NEK11: variants seen among roughly 807,000 people sequenced by gnomAD.
The protein encoded by NEK11 is NIMA related kinase 11.
NEK11 carries 72 observed loss-of-function variants against 80.7 expected under a neutral mutation model. The ratio of observed to expected loss-of-function variants is 0.89; its 90% CI spans 0.74 to 1.08. The LOEUF is 1.08. NEK11 is among the 50% of genes least tolerant of loss of function. NEK11 has a pLI of 0.00. For missense variants in NEK11, 764 were observed against 763.6 expected, an observed-to-expected ratio of 1.00 and a Z score of -0.01; for synonymous variants, 251 against 260.7, an observed-to-expected ratio of 0.96 and a Z score of 0.36.
chr3:131,169,723 G>C (rs929905094), intron 13 of NEK11, among the ~76,000 whole-genome samples: 5 of 152,170 alleles, frequency 3.3e-5, no homozygotes, highest in Admixed American at 3.3e-4. Flanking sequence ...ATCAGACCAT[G>C]TCCTTCTCTT....
chr3:131,091,599 A>T (rs2076741157), intron 4 of NEK11, among the ~76,000 whole-genome samples: 1 of 152,238 alleles, frequency 6.6e-6, no homozygotes, highest in Non-Finnish European at 1.5e-5. Flanking sequence ...AGTTGATATA[A>T]AATGTATAGA....
chr3:131,269,835 G>A (rs2096144076), intron 16 of NEK11, among the ~76,000 whole-genome samples: 1 of 152,210 alleles, frequency 6.6e-6, no homozygotes. Flanking sequence ...CTAGGTTCAG[G>A]AAGGAGCCCA....
intron 16 of NEK11, among the ~76,000 whole-genome samples, chr3:131,264,087 A>G (rs2095994880): frequency 6.6e-6 from 1 of 152,054 alleles, no homozygotes; most frequent in South Asian, 2.1e-4. Flanking sequence ...AAATTTGTTT[A>G]AGTTCTTTGT....
intron 4 of NEK11, among the ~76,000 whole-genome samples, chr3:131,094,953 G>C (rs56834896): frequency 6.6e-6 from 1 of 152,212 alleles, no homozygotes; most frequent in Non-Finnish European, 1.5e-5. Flanking sequence ...AATAATTAAA[G>C]CTTTAAGGAC....
chr3:131,139,084 A>G (rs745435446), intron 7 of NEK11, among the ~76,000 whole-genome samples: 3 of 152,148 alleles, frequency 2.0e-5, no homozygotes, highest in Non-Finnish European at 4.4e-5. Context: ...AACCTTTCAG[A>G]CAGAGAATTC....
At chr3:131,076,921 G>T (rs2074449075) in intron 3 of NEK11, among the ~76,000 whole-genome samples, 1 of 152,168 alleles carries the variant, frequency 6.6e-6, no homozygotes, top group Non-Finnish European at 1.5e-5. Context: ...AGTGTATGCT[G>T]CTGGTTGAAT....
intron 7 of NEK11, among the ~76,000 whole-genome samples, chr3:131,137,930 T>C (rs1026003362): frequency 3.3e-5 from 5 of 152,212 alleles, no homozygotes; most frequent in Admixed American, 2.0e-4. Context: ...TATTTTGATA[T>C]AGGCATGCAA....
chr3:131,100,242 G>A (rs779232037), intron 4 of NEK11, among the ~76,000 whole-genome samples: 28 of 152,106 alleles, frequency 1.8e-4, no homozygotes, highest in Non-Finnish European at 3.8e-4. Flanking sequence ...TTTTGTTTAT[G>A]TGGTGGGTGA....
At chr3:131,206,774 G>T (rs1281466240) in intron 14 of NEK11, among the ~76,000 whole-genome samples, 1 of 152,060 alleles carries the variant, frequency 6.6e-6, no homozygotes, top group Non-Finnish European at 1.5e-5. Flanking sequence ...CACCCATTAA[G>T]CTGCACCCAT....
intron 17 of NEK11, among the ~76,000 whole-genome samples, chr3:131,298,719 G>A (rs1404392687): frequency 2.6e-5 from 4 of 152,146 alleles, no homozygotes; most frequent in African/African-American, 7.2e-5. Context: ...TGGTGGTAAT[G>A]GTGGTGGTGT....
At chr3:131,153,043 C>T (rs1304260962) in intron 9 of NEK11, among the ~76,000 whole-genome samples, 4 of 152,028 alleles carry the variant, frequency 2.6e-5, no homozygotes, top group East Asian at 1.9e-4. Flanking sequence ...GCCGAGATTG[C>T]GCCGCTGCAC....
intron 16 of NEK11, among the ~76,000 whole-genome samples, chr3:131,265,310 C>T (rs1388665718): frequency 6.6e-6 from 1 of 152,174 alleles, no homozygotes; most frequent in Non-Finnish European, 1.5e-5. Context: ...AAAGGGAATG[C>T]TTCCAGCTTT....
intron 3 of NEK11, among the ~76,000 whole-genome samples, chr3:131,068,083 T>C (rs539108295): frequency 3.8e-4 from 57 of 151,846 alleles, no homozygotes; most frequent in African/African-American, 1.4e-3. Flanking sequence ...GAAGGAGGGG[T>C]GAGTAGGTTG....
At chr3:131,208,675 T>C (rs1213675489) in intron 14 of NEK11, among the ~76,000 whole-genome samples, 2 of 152,208 alleles carry the variant, frequency 1.3e-5, no homozygotes, top group Non-Finnish European at 2.9e-5. Context: ...GAAGAGGTCC[T>C]ACACATCCCT....
chr3:131,179,827 G>T (rs1326689988), intron 14 of NEK11, among the ~76,000 whole-genome samples: 1 of 152,054 alleles, frequency 6.6e-6, no homozygotes, highest in Non-Finnish European at 1.5e-5. Context: ...TTTTATTAAT[G>T]ATATATAATA....
intron 14 of NEK11, among the ~76,000 whole-genome samples, chr3:131,226,491 A>G (rs2095201901): frequency 2.0e-5 from 3 of 152,204 alleles, no homozygotes; most frequent in Admixed American, 2.0e-4. Context: ...AATACTACTC[A>G]GCCATTAAAA....
intron 5 of NEK11, among the ~76,000 whole-genome samples, chr3:131,122,809 A>G (rs558623171): frequency 3.4e-4 from 52 of 152,182 alleles, no homozygotes; most frequent in African/African-American, 1.2e-3. Context: ...TCATCCTAGC[A>G]TGGGCCCTGG....
At chr3:131,050,792 G>C (rs2068253588) in intron 3 of NEK11, among the ~76,000 whole-genome samples, 1 of 152,224 alleles carries the variant, frequency 6.6e-6, no homozygotes, top group Non-Finnish European at 1.5e-5. Context: ...ACTTTGGGAG[G>C]CTGAGGCAGG....
At chr3:131,185,317 G>A (rs551730949) in intron 14 of NEK11, among the ~76,000 whole-genome samples, 18 of 152,228 alleles carry the variant, frequency 1.2e-4, no homozygotes, top group African/African-American at 4.3e-4. Flanking sequence ...AAGATTGGGA[G>A]TAGGCAGAGA....
Sources: gnomAD v4.1 joint callset for allele counts (sites outside exome capture counted in the v4.1 genomes callset) on GRCh38, gnomAD v4.1.1 for gene constraint, MANE v1.5 for transcripts, NCBI Gene and HGNC (gene_info 2026-07-23, HGNC 2026-07-21) for gene names.